The following FBXO11 variants were observed in gnomAD, a reference collection of about 807,000 sequenced individuals.
FBXO11 encodes F-box only protein 11.
A neutral mutation model predicts 117.0 loss-of-function variants in FBXO11; 13 were observed. The observed-to-expected ratio is 0.11, with a 90% confidence interval of 0.07 to 0.18. The LOEUF (loss-of-function observed/expected upper bound fraction) is 0.18, where lower values mean the gene tolerates loss of function less well. Among genes scored for constraint, FBXO11 ranks in the 10% least tolerant of loss-of-function variants. The pLI is 1.00. For synonymous variants in FBXO11, 490 were observed against 380.5 expected, an observed-to-expected ratio of 1.29 and a Z score of -3.35; for missense variants, 767 against 1,164.4, an observed-to-expected ratio of 0.66 and a Z score of 4.97.
At chr2:47,858,048 T>G (rs1031777180) in intron 1 of FBXO11, among the ~76,000 whole-genome samples, 2 of 152,176 alleles carry the variant, frequency 1.3e-5, no homozygotes, top group East Asian at 3.9e-4. Context: ...AAAAAAATCA[T>G]TGCCTTGGGT....
chr2:47,864,032 G>A (rs1371558494), intron 1 of FBXO11, among the ~76,000 whole-genome samples: 1 of 151,970 alleles, frequency 6.6e-6, no homozygotes, highest in East Asian at 1.9e-4. Context: ...TGGTAGTCAA[G>A]TTACAATACG....
chr2:47,846,028 A>G (rs1668680310), intron 1 of FBXO11, among the ~76,000 whole-genome samples: 1 of 152,248 alleles, frequency 6.6e-6, no homozygotes, highest in Admixed American at 6.5e-5. Flanking sequence ...CTTAGCATAC[A>G]TGAAACAAAA....
chr2:47,859,283 C>G (rs1674570693), intron 1 of FBXO11, among the ~76,000 whole-genome samples: 1 of 151,352 alleles, frequency 6.6e-6, no homozygotes, highest in Non-Finnish European at 1.5e-5. Context: ...ATCCAGAGTT[C>G]AAAATATTAA....
At chr2:47,886,010 C>G (rs79891505) in intron 1 of FBXO11, among the ~76,000 whole-genome samples, 1,840 of 152,248 alleles carry the variant, frequency 0.012, 35 homozygotes, top group Middle Eastern at 0.051. Flanking sequence ...AATACTTAAC[C>G]TCATGCATTA....
chr2:47,884,487 C>A (rs1461884948), intron 1 of FBXO11, among the ~76,000 whole-genome samples: 1 of 152,172 alleles, frequency 6.6e-6, no homozygotes, highest in Non-Finnish European at 1.5e-5. Context: ...CTGGAGTTTA[C>A]ATATGTCTTT....
At position 47,806,975 on chromosome 2, in the gene FBXO11, A is replaced by AGGAAATTAAACCCTTTTAATTC; in HGVS notation, c.*1121_*1142dup. The AGGAAATTAAACCCTTTTAATTC allele has an allele frequency of 1.2e-6, 1 of 830,298 alleles. No individual in the cohort carries two copies. The highest frequency in any genetic ancestry group is 2.0e-6 in the Non-Finnish European group (1 of 501,800). The allele number at this position is 830,298 out of a possible 1,614,324, so 51.4% of individuals were successfully genotyped here. A position where few individuals can be genotyped will look rare whatever the true frequency, so the allele number is the denominator to read the frequency against. The stretch of plus-strand genomic sequence containing the variant: ...ATGACCATTTTTCCATTTTCTTTCT[A>AGGAAATTAAACCCTTTTAATTC]GGAAATTAAACCCTTTTAATTCTTA... On this transcript the variant is annotated 3_prime_UTR_variant, in exon 23 of 23. Transcript: ENST00000403359.
chr2:47,879,526 AGCC>A (rs764185938), intron 1 of FBXO11, among the ~76,000 whole-genome samples: 1 of 152,170 alleles, frequency 6.6e-6, no homozygotes, highest in Non-Finnish European at 1.5e-5. Context: ...TTAGCTTAAA[AGCC>A]ACTTATATTT....
chr2:47,902,699 G>A (rs1678388259), intron 1 of FBXO11, among the ~76,000 whole-genome samples: 1 of 152,036 alleles, frequency 6.6e-6, no homozygotes, highest in African/African-American at 2.4e-5. Flanking sequence ...CTTTTTGCCT[G>A]AAAACATATT....
chr2:47,893,094 T>C (rs1572917036), intron 1 of FBXO11, among the ~76,000 whole-genome samples: 1 of 151,784 alleles, frequency 6.6e-6, no homozygotes, highest in African/African-American at 2.4e-5. Flanking sequence ...GTAGAGGCTG[T>C]AGTGAGTCAA....
chr2:47,855,116 T>C (rs1386509009), intron 1 of FBXO11, among the ~76,000 whole-genome samples: 1 of 152,180 alleles, frequency 6.6e-6, no homozygotes, highest in Non-Finnish European at 1.5e-5. Flanking sequence ...AGGGATTTAG[T>C]GTTCAAGTTA....
At chr2:47,893,166 T>TTAAATAAATAAATAAA (rs369987358) in intron 1 of FBXO11, among the ~76,000 whole-genome samples, 2,399 of 141,540 alleles carry the variant, frequency 0.017, 38 homozygotes, top group Non-Finnish European at 0.018. Flanking sequence ...AAAAAATAAA[T>TTAAATAAATAAATAAA]TAAATAAATA....
intron 16 of FBXO11, 41 bp downstream of exon 16, chr2:47,818,738 T>A (rs2104701713): frequency 6.9e-7 from 1 of 1,450,402 alleles, no homozygotes; most frequent in East Asian, 2.3e-5. Context: ...CACATACTCC[T>A]AACTCCCTCC....
chr2:47,852,895 T>G (rs967409009), intron 1 of FBXO11, among the ~76,000 whole-genome samples: 3 of 152,160 alleles, frequency 2.0e-5, no homozygotes, highest in African/African-American at 7.2e-5. Context: ...CACACAGTAT[T>G]AAGCAGCAGA....
chr2:47,866,050 A>C (rs1173151835), intron 1 of FBXO11, among the ~76,000 whole-genome samples: 1 of 152,052 alleles, frequency 6.6e-6, no homozygotes, highest in East Asian at 1.9e-4. Flanking sequence ...CCAGGAGTTC[A>C]AGACCAATCT....
At chr2:47,879,384 T>C (rs746706646) in intron 1 of FBXO11, among the ~76,000 whole-genome samples, 3 of 152,356 alleles carry the variant, frequency 2.0e-5, no homozygotes, top group East Asian at 3.9e-4. Flanking sequence ...TCAATAGCAG[T>C]GTATGAGCAG....
chr2:47,808,058 C>T lies in FBXO11; in HGVS notation c.*60G>A. ...TGGGCAAATATTTTAAATCTTCTTCCAAAAAAGTGTTTTAAGTTATGATGT... is the reference window on the plus strand; with the variant it reads ...TGGGCAAATATTTTAAATCTTCTTCTAAAAAAGTGTTTTAAGTTATGATGT... On this transcript the variant is annotated 3_prime_UTR_variant, in exon 23 of 23. Transcript: ENST00000403359. 6.9e-7 allele frequency: 1 copy of T among 1,448,570 alleles called. No homozygotes were observed. Among genetic ancestry groups the T allele is most frequent in the South Asian group, 1.2e-5 (1 of 81,628 alleles). 89.7% of individuals were successfully genotyped at this position (1,448,570 alleles called of 1,614,324 possible). A position where few individuals can be genotyped will look rare whatever the true frequency, so the allele number is the denominator to read the frequency against.
At chr2:47,828,434 C>G (rs1671925880) in intron 11 of FBXO11, among the ~76,000 whole-genome samples, 2 of 152,142 alleles carry the variant, frequency 1.3e-5, no homozygotes, top group South Asian at 4.2e-4. Context: ...ATGGTAAAAC[C>G]CTGTCTGTAC....
intron 12 of FBXO11, among the ~76,000 whole-genome samples, 168 bp from the exon 13 acceptor site, chr2:47,822,471 A>G (rs569852462): frequency 2.6e-5 from 4 of 152,242 alleles, no homozygotes; most frequent in Non-Finnish European, 5.9e-5. Context: ...TCAGACTACT[A>G]TTTGAAAGAA....
At chr2:47,818,574 T>A in intron 16 of FBXO11, 1 of 502,300 alleles carries the variant, frequency 2.0e-6, no homozygotes, top group Non-Finnish European at 3.6e-6. Context: ...TGAGCTCTTA[T>A]GGCACATGTG....
Sources: allele counts gnomAD v4.1 joint callset (sites outside exome capture counted in the v4.1 genomes callset), GRCh38; gene constraint gnomAD v4.1.1; transcripts MANE v1.5; gene names NCBI Gene and HGNC (gene_info 2026-07-23, HGNC 2026-07-21).